The following FRMD4A variants were observed in gnomAD, a reference collection of about 807,000 sequenced individuals.
The protein encoded by FRMD4A is FERM domain-containing protein 4A.
Under a neutral mutation model 129.1 loss-of-function variants are expected in FRMD4A, and 29 were observed. That is an observed-to-expected ratio of 0.22 (90% CI 0.17 to 0.31). The LOEUF (loss-of-function observed/expected upper bound fraction) is 0.31, where lower values mean the gene tolerates loss of function less well. FRMD4A is among the 10% of genes least tolerant of loss of function. The probability of loss-of-function intolerance (pLI) is 1.00; values close to 1 mark genes in which losing one functional copy is unlikely to be tolerated. For missense variants in FRMD4A, 1,272 were observed against 1,375.8 expected (o/e 0.92, Z 1.19); for synonymous variants, 634 against 571.6 (o/e 1.11, Z -1.56).
intron 2 of FRMD4A, among the ~76,000 whole-genome samples, chr10:14,235,026 C>A (rs1041030593): frequency 4.6e-5 from 7 of 152,076 alleles, no homozygotes; most frequent in Non-Finnish European, 1.0e-4. Flanking sequence ...TAGGTACGTG[C>A]AGAGGTGGAA....
intron 6 of FRMD4A, among the ~76,000 whole-genome samples, chr10:13,763,053 T>C (rs1291845269): frequency 6.6e-6 from 1 of 152,196 alleles, no homozygotes; most frequent in East Asian, 1.9e-4. Context: ...TCATAGAACA[T>C]CTTGAGTCTC....
intron 2 of FRMD4A, among the ~76,000 whole-genome samples, chr10:13,902,560 C>T (rs2094833600): frequency 6.6e-6 from 1 of 150,998 alleles, no homozygotes; most frequent in African/African-American, 2.4e-5. Flanking sequence ...GATTCCTGGG[C>T]TGGGCACAGT....
intron 2 of FRMD4A, among the ~76,000 whole-genome samples, chr10:14,110,125 T>TTAAAAAAAAGAAA (rs372420987): frequency 1.1e-5 from 1 of 89,520 alleles, no homozygotes; most frequent in African/African-American, 4.7e-5. Context: ...CGAGATGCTG[T>TTAAAAAAAAGAAA]AAAAAAAAAA....
intron 2 of FRMD4A, among the ~76,000 whole-genome samples, chr10:14,059,398 C>T (rs1046382711): frequency 6.6e-5 from 10 of 152,148 alleles, no homozygotes; most frequent in Non-Finnish European, 1.0e-4. Context: ...TAAATAATAT[C>T]ATATGGGTGA....
chr10:14,093,080 G>T (rs1397908417), intron 2 of FRMD4A, among the ~76,000 whole-genome samples: 4 of 152,180 alleles, frequency 2.6e-5, no homozygotes, highest in African/African-American at 9.7e-5. Context: ...GGGCACGGAC[G>T]GGGATCACAT....
chr10:13,982,472 AG>A, intron 2 of FRMD4A, among the ~76,000 whole-genome samples: 2 of 4,100 alleles, frequency 4.9e-4, no homozygotes, highest in African/African-American at 1.2e-3. Flanking sequence ...AGGGAAGGGG[AG>A]GGGAGGGGAG....
intron 2 of FRMD4A, among the ~76,000 whole-genome samples, chr10:14,255,937 C>T (rs1164783697): frequency 6.8e-6 from 1 of 147,140 alleles, no homozygotes; most frequent in African/African-American, 2.5e-5. Context: ...ACCGAGAATG[C>T]AGAGGTTGCA....
chr10:14,219,140 G>T (rs531944244), intron 2 of FRMD4A, among the ~76,000 whole-genome samples: 9 of 152,178 alleles, frequency 5.9e-5, no homozygotes, highest in African/African-American at 2.2e-4. Context: ...TTGACAAAGA[G>T]AGATGGAAAC....
chr10:14,257,408 A>T (rs963455001), intron 2 of FRMD4A, among the ~76,000 whole-genome samples: 5 of 152,216 alleles, frequency 3.3e-5, no homozygotes, highest in Non-Finnish European at 7.3e-5. Flanking sequence ...CAAGGACCTT[A>T]AAAAAATAAA....
chr10:14,107,935 T>C (rs1837671114), intron 2 of FRMD4A, among the ~76,000 whole-genome samples: 1 of 152,236 alleles, frequency 6.6e-6, no homozygotes. Flanking sequence ...TAAGTGTTTT[T>C]GTATTTTTGG....
At chr10:13,984,899 A>T (rs917568830) in intron 2 of FRMD4A, among the ~76,000 whole-genome samples, 1 of 152,214 alleles carries the variant, frequency 6.6e-6, no homozygotes, top group African/African-American at 2.4e-5. Context: ...AGACTGCTGG[A>T]TCCCATGGCA....
intron 2 of FRMD4A, among the ~76,000 whole-genome samples, chr10:13,887,035 C>T (rs759806437): frequency 1.3e-5 from 2 of 152,168 alleles, no homozygotes; most frequent in African/African-American, 2.4e-5. Context: ...TCTTGTATTG[C>T]ATCATTGAAT....
intron 5 of FRMD4A, among the ~76,000 whole-genome samples, chr10:13,784,966 G>C (rs2092818841): frequency 7.9e-6 from 1 of 127,088 alleles, no homozygotes; most frequent in African/African-American, 3.1e-5. Flanking sequence ...ACTCCAGCCT[G>C]AACAACAGAG....
Position 13,656,721 on chromosome 10 carries a change from G to T in FRMD4A, c.2868C>A (p.Gly956=). ...SHTSSTSSDS[G]SQYSTSSQST... is the part of the protein sequence containing the mutation. ...TCTGGGAGGAGGTGCTGTACTGCGA[G>T]CCGCTGTCCGAGGAGGTGGAGCTGG... The change falls in exon 22 of 25, where the codon GGC becomes GGA. Residue 956 remains glycine, a synonymous_variant. Transcript: ENST00000357447. The T allele has an allele frequency of 6.3e-7, 1 of 1,589,468 alleles. No individual in the cohort carries two copies. Among genetic ancestry groups the T allele is most frequent in the South Asian group, 1.1e-5 (1 of 87,814 alleles).
rs2093633997 is a variant in FRMD4A at position 13,821,864 on chromosome 10, G to A, written c.112-10956C>T. ...AGGCCAGAAACCTGTCCAGGACGAG[G>A]GTGGGCACCTTGGTTACCAGCATAG... is the stretch of plus-strand genomic sequence containing the variant. On this transcript the variant is annotated intron_variant, in intron 3 of 24. Transcript: ENST00000357447. This position sits in a 1 kb window ranked among gnomAD's most constrained non-coding sequence, Gnocchi z 4.3. 1.3e-5 allele frequency among the ~76,000 whole-genome samples: 2 copies of A among 152,130 alleles called. No homozygotes were observed. Among genetic ancestry groups the A allele is most frequent in the African/African-American group, 4.8e-5 (2 of 41,420 alleles).
intron 2 of FRMD4A, among the ~76,000 whole-genome samples, chr10:14,087,839 G>A (rs549922289): frequency 1.3e-5 from 2 of 152,282 alleles, no homozygotes; most frequent in African/African-American, 4.8e-5. Flanking sequence ...CTAAACAACA[G>A]TGCCGTGTGC....
At chr10:14,030,192 A>G (rs1565196966) in intron 2 of FRMD4A, among the ~76,000 whole-genome samples, 1 of 152,242 alleles carries the variant, frequency 6.6e-6, no homozygotes. Context: ...CAGCGATGTG[A>G]CTGAGTTAAC....
chr10:13,966,551 G>A (rs926990581), intron 2 of FRMD4A, among the ~76,000 whole-genome samples: 2 of 152,196 alleles, frequency 1.3e-5, no homozygotes, highest in Non-Finnish European at 2.9e-5. Flanking sequence ...TGTGCAGGGG[G>A]CTGCCACTCA....
intron 6 of FRMD4A, among the ~76,000 whole-genome samples, chr10:13,777,022 A>G (rs959260996): frequency 9.2e-5 from 14 of 152,256 alleles, no homozygotes; most frequent in Admixed American, 8.5e-4. Flanking sequence ...TTAGAGCCTT[A>G]TAACATCCTT....
Sources: gnomAD v4.1 joint callset for allele counts (sites outside exome capture counted in the v4.1 genomes callset) on GRCh38, gnomAD v4.1.1 for gene constraint, Gnocchi (gnomAD v3.1) non-coding constraint, MANE v1.5 for transcripts, NCBI Gene and HGNC (gene_info 2026-07-23, HGNC 2026-07-21) for gene names.